Variants in FXR2 observed in about 807,000 individuals in gnomAD.
FXR2 encodes the protein FMR1 autosomal homolog 2.
In FXR2, 9 loss-of-function variants were observed where a neutral mutation model predicts 87.3. The ratio of observed to expected loss-of-function variants is 0.10; its 90% CI spans 0.06 to 0.18. The LOEUF is 0.18. Among genes scored for constraint, FXR2 ranks in the 10% least tolerant of loss-of-function variants. The pLI is 1.00. For synonymous variants in FXR2, 331 were observed against 328.3 expected (o/e 1.01, Z -0.09); for missense variants, 661 against 893.6 (o/e 0.74, Z 3.32).
In FXR2 at chr17:7,609,979, C is replaced by CAT. The variant is rs56863633; in HGVS notation, c.82-3832_82-3831dup. The stretch of plus-strand genomic sequence containing the variant: ...ACATATATATACATGTATATGTATA[C>CAT]ATATATATATACATGTATATGTATA... On this transcript the variant is annotated intron_variant, in intron 1 of 16. Coordinates refer to ENST00000250113, the MANE Select transcript of FXR2 (RefSeq NM_004860.4). Among the ~76,000 whole-genome samples, 97 of 47,798 alleles carry CAT rather than the reference C, an allele frequency of 2.0e-3. 1 individual carries two copies. Among genetic ancestry groups the CAT allele is most frequent in the East Asian group, 3.7e-3 (9 of 2,414 alleles). 31.4% of individuals were successfully genotyped at this position (47,798 alleles called of 152,430 possible).
rs2071700602 is a variant in FXR2, at chr17:7,595,522, C to T, written c.831+302G>A. On this transcript the variant is annotated intron_variant, in intron 8 of 16. Transcript: ENST00000250113. The surrounding 1 kb of genome is among the most constrained non-coding windows in gnomAD (Gnocchi z 4.7). ...TCTCTATGTTGTCCAGGTTGTTCTC[C>T]AACTCCCAGGCTCAAGTGATCCTCC... 6.6e-6 allele frequency among the ~76,000 whole-genome samples: 1 copy of T among 151,874 alleles called. No individual in the cohort carries two copies. The highest frequency in any genetic ancestry group is 1.5e-5 in the Non-Finnish European group (1 of 67,980).
chr17:7,608,682 C>T (rs1396205763), intron 1 of FXR2, among the ~76,000 whole-genome samples: 1 of 151,154 alleles, frequency 6.6e-6, no homozygotes, highest in Non-Finnish European at 1.5e-5. Context: ...CTGAATTGAA[C>T]TGCCTTTTCA....
In FXR2 at chr17:7,614,615, CCCGGAGGAGGAG is replaced by C; in HGVS notation, c.-95_-84del. ...GGCCGGGCCAGGCCCCCGGCGTCTC[CCCGGAGGAGGAG>C]CCGGAGGGGGAGCCGCGGGGGGCGG... On this transcript the variant is annotated 5_prime_UTR_variant, in exon 1 of 17. Coordinates refer to ENST00000250113, the MANE Select transcript of FXR2 (RefSeq NM_004860.4). 1.2e-6 allele frequency: 1 copy of C among 848,024 alleles called. No homozygotes were observed. Among genetic ancestry groups the C allele is most frequent in the Non-Finnish European group, 1.6e-6 (1 of 634,278 alleles). 52.5% of individuals were successfully genotyped at this position (848,024 alleles called of 1,614,324 possible).
At chr17:7,614,168 C>T in intron 1 of FXR2, 1 of 646,084 alleles carries the variant, frequency 1.5e-6, no homozygotes. Context: ...AAAGGGGTCT[C>T]TCCTGCGGAG....
At position 7,594,285 on chromosome 17, in the gene FXR2, TCAC is replaced by T. The variant is rs1475259675; in HGVS notation, c.970_972del (p.Val324del). 1 of 1,613,284 alleles carries T rather than the reference TCAC, an allele frequency of 6.2e-7. No homozygotes were observed. The highest frequency in any genetic ancestry group is 2.2e-5 in the East Asian group (1 of 44,876). On this transcript the variant is annotated inframe_deletion, in exon 10 of 17. Coordinates refer to ENST00000250113, the MANE Select transcript of FXR2 (RefSeq NM_004860.4). The surrounding 1 kb of genome is among the most constrained non-coding windows in gnomAD (Gnocchi z 5.1). Reference sequence around the variant, plus strand: ...TCATTATCACCTTCCACTCGAACCCTCACCACACCAGATTTATCCACAATCTCC... The same window carrying T: ...TCATTATCACCTTCCACTCGAACCCTCACACCAGATTTATCCACAATCTCC...
intron 3 of FXR2, 94 bp from the exon 4 acceptor site, chr17:7,604,174 G>C (rs1158376839): frequency 2.1e-6 from 2 of 931,714 alleles, no homozygotes; most frequent in Non-Finnish European, 3.4e-6. Context: ...GCTCACACCT[G>C]TAATCTCAGC....
In FXR2 at chr17:7,593,713, T is replaced by G. The variant is rs1035195949; in HGVS notation, c.1108-88A>C. ...TCTGCACCCTGACTGTCCCTCTATA[T>G]CTAACCTCTCAGGAATGCAGGGAGA... On this transcript the variant is annotated intron_variant, in intron 11 of 16. Coordinates refer to ENST00000250113, the MANE Select transcript of FXR2 (RefSeq NM_004860.4). The surrounding 1 kb of genome is among the most constrained non-coding windows in gnomAD (Gnocchi z 6.1). 4.0e-5 allele frequency: 38 copies of G among 961,174 alleles called. No homozygotes were observed. Among genetic ancestry groups the G allele is most frequent in the Non-Finnish European group, 1.4e-5 (9 of 622,964 alleles). The allele number at this position is 961,174 out of a possible 1,614,324, so 59.5% of individuals were successfully genotyped here.
intron 7 of FXR2, among the ~76,000 whole-genome samples, chr17:7,599,583 A>G (rs2071736218): frequency 6.6e-6 from 1 of 152,184 alleles, no homozygotes; most frequent in African/African-American, 2.4e-5. Context: ...TCTCACAGAA[A>G]TACTCTAGTC....
At chr17:7,614,162 G>A in intron 1 of FXR2, 1 of 635,776 alleles carries the variant, frequency 1.6e-6, no homozygotes, top group East Asian at 3.2e-5. Context: ...CTGGGTAAAG[G>A]GGTCTCTCCT....
chr17:7,601,182 A>C (rs78395446), intron 7 of FXR2, among the ~76,000 whole-genome samples: 1 of 140,760 alleles, frequency 7.1e-6, no homozygotes, highest in African/African-American at 2.8e-5. Context: ...CTGTCTCCCA[A>C]AAAAAAAAAA....
At chr17:7,608,442 A>AT (rs1555572102) in intron 1 of FXR2, among the ~76,000 whole-genome samples, 106 of 143,076 alleles carry the variant, frequency 7.4e-4, no homozygotes, top group South Asian at 2.0e-3. Flanking sequence ...AAAAAAAAAA[A>AT]AATAATAATA....
chr17:7,599,588 C>T (rs1206556401), intron 7 of FXR2, among the ~76,000 whole-genome samples: 2 of 152,032 alleles, frequency 1.3e-5, no homozygotes, highest in East Asian at 3.9e-4. Flanking sequence ...CAGAAATACT[C>T]TAGTCAGGCC....
intron 7 of FXR2, among the ~76,000 whole-genome samples, chr17:7,599,007 C>T (rs757782641): frequency 3.3e-5 from 5 of 152,196 alleles, no homozygotes; most frequent in African/African-American, 7.2e-5. Flanking sequence ...CGTGGGGGCG[C>T]GTGCCTATTA....
chr17:7,592,677 C>A lies in FXR2; in HGVS notation c.1729+17G>T, dbSNP rs764016657. ...CCTACCCATCTCTAACTTTCCAGAC[C>A]CCAGGCACACCCTCACCCAGGCCAT... On this transcript the variant is annotated intron_variant, in intron 14 of 16. Coordinates refer to ENST00000250113, the MANE Select transcript of FXR2 (RefSeq NM_004860.4). The surrounding 1 kb of genome is among the most constrained non-coding windows in gnomAD (Gnocchi z 4.8). 1.9e-6 allele frequency: 3 copies of A among 1,613,426 alleles called. No individual in the cohort carries two copies. Among genetic ancestry groups the A allele is most frequent in the Non-Finnish European group, 2.5e-6 (3 of 1,179,586 alleles).
intron 1 of FXR2, among the ~76,000 whole-genome samples, chr17:7,613,324 G>T (rs879199824): frequency 6.6e-6 from 1 of 152,072 alleles, no homozygotes; most frequent in Admixed American, 6.6e-5. Context: ...ACAATTCCAG[G>T]CATCAAATCC....
chr17:7,598,659 C>T (rs1171967850), intron 7 of FXR2, among the ~76,000 whole-genome samples: 2 of 151,294 alleles, frequency 1.3e-5, no homozygotes, highest in Non-Finnish European at 3.0e-5. Flanking sequence ...GATCGCACTA[C>T]TGCACTCCAG....
intron 7 of FXR2, among the ~76,000 whole-genome samples, chr17:7,600,137 G>C (rs994603977): frequency 5.3e-5 from 8 of 151,994 alleles, no homozygotes; most frequent in Non-Finnish European, 1.0e-4. Flanking sequence ...GACCTCAGGT[G>C]ATCTGCCCGC....
chr17:7,591,810 A>C lies in FXR2; in HGVS notation c.*20T>G. 1.6e-6 allele frequency: 2 copies of C among 1,241,698 alleles called. No individual in the cohort carries two copies. Among genetic ancestry groups the C allele is most frequent in the South Asian group, 2.4e-5 (2 of 83,532 alleles). The allele number at this position is 1,241,698 out of a possible 1,614,324, so 76.9% of individuals were successfully genotyped here. On this transcript the variant is annotated 3_prime_UTR_variant, in exon 17 of 17. Coordinates refer to ENST00000250113, the MANE Select transcript of FXR2 (RefSeq NM_004860.4). The surrounding 1 kb of genome is among the most constrained non-coding windows in gnomAD (Gnocchi z 4.0). ...GGGCAGCAAGCGAGATGGAGAAGGG[A>C]GGGGTGCAGGTTGGAGGTTTTATGA...
intron 1 of FXR2, among the ~76,000 whole-genome samples, chr17:7,610,051 C>CATATATAT (rs1567754161): frequency 9.6e-6 from 1 of 104,700 alleles, no homozygotes; most frequent in African/African-American, 3.6e-5. Flanking sequence ...TATATATACA[C>CATATATAT]ACACACACAC....
Sources: allele counts gnomAD v4.1 joint callset (sites outside exome capture counted in the v4.1 genomes callset), GRCh38; gene constraint gnomAD v4.1.1; non-coding constraint Gnocchi (gnomAD v3.1); transcripts MANE v1.5; gene names NCBI Gene and HGNC (gene_info 2026-07-23, HGNC 2026-07-21).